The following TUSC3 variants were observed in gnomAD, a reference collection of about 807,000 sequenced individuals.
TUSC3 encodes dolichyl-diphosphooligosaccharide--protein glycosyltransferase subunit TUSC3.
In TUSC3, 45 loss-of-function variants were observed where a neutral mutation model predicts 44.8. That is an observed-to-expected ratio of 1.00 (90% CI 0.79 to 1.29). The LOEUF (loss-of-function observed/expected upper bound fraction) is 1.29. Ranked by LOEUF, TUSC3 falls within the 50% of genes most tolerant of loss-of-function variation. The pLI is 0.00. For synonymous variants in TUSC3, 212 were observed against 152.9 expected (o/e 1.39, Z -2.85); for missense variants, 519 against 437.9 (o/e 1.19, Z -1.65).
chr8:15,721,141 C>G (rs1009324174), intron 6 of TUSC3, among the ~76,000 whole-genome samples: 16 of 151,860 alleles, frequency 1.1e-4, no homozygotes, highest in African/African-American at 3.4e-4. Context: ...CCTAATCACC[C>G]CATAAGTAAG....
At chr8:15,770,534 C>G (rs895842176), downstream of TUSC3, among the ~76,000 whole-genome samples, 1 of 151,808 alleles carries the variant, frequency 6.6e-6, no homozygotes, top group Non-Finnish European at 1.5e-5. Flanking sequence ...CACATGTATC[C>G]CAGAACTTAA....
intron 2 of TUSC3, among the ~76,000 whole-genome samples, chr8:15,494,179 G>T (rs942767158): frequency 1.3e-5 from 2 of 152,044 alleles, no homozygotes; most frequent in Non-Finnish European, 2.9e-5. Context: ...AGATACAGTC[G>T]ATGAAATATG....
the TUSC3 span, chr8:15,806,663 C>G: frequency 1.1e-5 from 12 of 1,070,702 alleles, no homozygotes; most frequent in Admixed American, 1.8e-5. Flanking sequence ...GACAAGCTGC[C>G]CAGTAGGACC....
intron 2 of TUSC3, among the ~76,000 whole-genome samples, chr8:15,639,020 G>C (rs192192929): frequency 8.5e-4 from 126 of 147,694 alleles, no homozygotes; most frequent in Middle Eastern, 3.4e-3. Context: ...ATCATGTGTC[G>C]ATGCTAGATC....
intron 1 of TUSC3, among the ~76,000 whole-genome samples, chr8:15,608,711 C>G (rs1278255975): frequency 6.6e-6 from 1 of 152,142 alleles, no homozygotes; most frequent in Admixed American, 6.6e-5. Flanking sequence ...CACTTCACTT[C>G]TCTTGCCTGC....
At chr8:15,620,045 G>C (rs1334327948) in intron 1 of TUSC3, among the ~76,000 whole-genome samples, 1 of 152,176 alleles carries the variant, frequency 6.6e-6, no homozygotes, top group African/African-American at 2.4e-5. Flanking sequence ...CTGGGTAACA[G>C]AGGGAGACTG....
chr8:15,726,423 A>G (rs1810499163), intron 6 of TUSC3, among the ~76,000 whole-genome samples: 1 of 152,204 alleles, frequency 6.6e-6, no homozygotes. Context: ...GTCATGAGTC[A>G]TGGTAATGAA....
intron 6 of TUSC3, among the ~76,000 whole-genome samples, chr8:15,725,381 AG>A (rs1228309132): frequency 6.6e-6 from 1 of 152,202 alleles, no homozygotes; most frequent in Non-Finnish European, 1.5e-5. Context: ...CACGTTTGTT[AG>A]TATCTTTTGC....
chr8:15,566,149 T>C (rs1314252005), intron 1 of TUSC3, among the ~76,000 whole-genome samples: 2 of 152,168 alleles, frequency 1.3e-5, no homozygotes, highest in African/African-American at 2.4e-5. Flanking sequence ...GACAACGTTA[T>C]CAGAAGATGC....
intron 1 of TUSC3, among the ~76,000 whole-genome samples, chr8:15,544,606 TATA>T (rs1801803070): frequency 6.6e-6 from 1 of 151,846 alleles, no homozygotes; most frequent in South Asian, 2.1e-4. Flanking sequence ...TATTGGGATG[TATA>T]ATATCCAGTT....
At chr8:15,678,633 C>T (rs1808289946) in intron 6 of TUSC3, among the ~76,000 whole-genome samples, 1 of 152,084 alleles carries the variant, frequency 6.6e-6, no homozygotes, top group African/African-American at 2.4e-5. Context: ...GTCTTTATTT[C>T]ACATTTTAAC....
chr8:15,601,598 T>A (rs2129154688), intron 1 of TUSC3, among the ~76,000 whole-genome samples: 1 of 151,890 alleles, frequency 6.6e-6, no homozygotes, highest in Non-Finnish European at 1.5e-5. Flanking sequence ...TTATTTATAT[T>A]TAAATTTGTT....
At chr8:15,617,120 A>ATATGTGTGTGTGTGTGTGTG (rs1554460215) in intron 1 of TUSC3, among the ~76,000 whole-genome samples, 1 of 123,720 alleles carries the variant, frequency 8.1e-6, no homozygotes, top group Non-Finnish European at 1.6e-5. Context: ...TATCTGTAAA[A>ATATGTGTGTGTGTGTGTGTG]TGTGTGTGTG....
intron 1 of TUSC3, among the ~76,000 whole-genome samples, chr8:15,480,985 C>T (rs1168122117): frequency 5.3e-5 from 8 of 152,060 alleles, no homozygotes; most frequent in Non-Finnish European, 7.3e-5. Flanking sequence ...AGGTGGCTCA[C>T]GCCTGTAATT....
chr8:15,622,515 C>T (rs963283765), intron 1 of TUSC3, among the ~76,000 whole-genome samples: 2 of 152,168 alleles, frequency 1.3e-5, no homozygotes, highest in East Asian at 1.9e-4. Flanking sequence ...TAGCCCAGTT[C>T]CACCTGTGCT....
chr8:15,606,713 T>A (rs1205540446), intron 1 of TUSC3, among the ~76,000 whole-genome samples: 1 of 152,096 alleles, frequency 6.6e-6, no homozygotes, highest in East Asian at 1.9e-4. Context: ...GAATATCCTT[T>A]TATATTTACG....
At chr8:15,504,577 G>GGA (rs1801018842) in intron 2 of TUSC3, among the ~76,000 whole-genome samples, 1 of 54,954 alleles carries the variant, frequency 1.8e-5, no homozygotes, top group Admixed American at 3.4e-4. Flanking sequence ...GCAACTTTCA[G>GGA]GATATATATA....
the TUSC3 span, among the ~76,000 whole-genome samples, chr8:15,829,581 T>G: frequency 2.0e-5 from 3 of 152,154 alleles, no homozygotes; most frequent in African/African-American, 7.2e-5. Context: ...TGTTTTTGAC[T>G]ATAGTAGATT....
intron 3 of TUSC3, among the ~76,000 whole-genome samples, chr8:15,657,129 C>T (rs971673331): frequency 1.3e-5 from 2 of 152,188 alleles, no homozygotes; most frequent in South Asian, 2.1e-4. Context: ...ACCTGGCTTC[C>T]TTTCCATCTC....
Sources: gnomAD v4.1 joint callset for allele counts (sites outside exome capture counted in the v4.1 genomes callset) on GRCh38, gnomAD v4.1.1 for gene constraint, MANE v1.5 for transcripts, NCBI Gene and HGNC (gene_info 2026-07-23, HGNC 2026-07-21) for gene names.